Variants in DLC1 observed in about 807,000 individuals in gnomAD.
The protein encoded by DLC1 is rho GTPase-activating protein 7.
Under a neutral mutation model 140.3 loss-of-function variants are expected in DLC1, and 54 were observed. That is an observed-to-expected ratio of 0.38 (90% confidence interval 0.31 to 0.48). The LOEUF (loss-of-function observed/expected upper bound fraction) is 0.48, where lower values mean the gene tolerates loss of function less well. DLC1 is among the 20% of genes least tolerant of loss of function. The pLI is 0.96. For synonymous variants in DLC1, 986 were observed against 728.1 expected (o/e 1.35, Z -5.70); for missense variants, 2,536 against 1,907.0 (o/e 1.33, Z -6.14).
At chr8:13,478,752 T>A (rs186331225) in intron 2 of DLC1, among the ~76,000 whole-genome samples, 279 of 152,312 alleles carry the variant, frequency 1.8e-3, no homozygotes, top group African/African-American at 5.7e-3. Flanking sequence ...ACAATTATTT[T>A]AAAAAAATCC....
intron 4 of DLC1, among the ~76,000 whole-genome samples, chr8:13,355,532 T>G (rs1262593732): frequency 1.3e-5 from 2 of 152,214 alleles, no homozygotes; most frequent in Non-Finnish European, 2.9e-5. Flanking sequence ...GTGGCCCCTC[T>G]CTGGTGGCTC....
intron 2 of DLC1, among the ~76,000 whole-genome samples, chr8:13,467,218 ATTC>A (rs1326371878): frequency 6.6e-6 from 1 of 152,162 alleles, no homozygotes; most frequent in African/African-American, 2.4e-5. Context: ...TTGCCTGATT[ATTC>A]TTAGAGGGCT....
intron 6 of DLC1, among the ~76,000 whole-genome samples, chr8:13,113,042 T>C (rs1222585713): frequency 6.6e-6 from 1 of 152,222 alleles, no homozygotes; most frequent in Admixed American, 6.5e-5. Context: ...ATATTTTAGA[T>C]TCCTTTTCTA....
chr8:13,595,695 T>C (rs1202802331), intron 1 of DLC1, among the ~76,000 whole-genome samples: 1 of 152,018 alleles, frequency 6.6e-6, no homozygotes, highest in East Asian at 1.9e-4. Context: ...TTCTCTCAAA[T>C]AGACAAAGAT....
At chr8:13,265,953 T>G (rs988862899) in intron 5 of DLC1, among the ~76,000 whole-genome samples, 1 of 152,218 alleles carries the variant, frequency 6.6e-6, no homozygotes, top group Non-Finnish European at 1.5e-5. Flanking sequence ...GACATAATTA[T>G]TCTGCTGTTT....
In DLC1 at chr8:13,405,899, T is replaced by TTCTC. The variant is rs1563320628; in HGVS notation, c.1024-4281_1024-4280insGAGA. ...TTTTTCTTTTCTTTTCTTTCTTTCT[T>TTCTC]TTTCTTTCTTTCTTTTCTTTTCTTT... On this transcript the variant is annotated intron_variant, in intron 2 of 17. Transcript: ENST00000276297. 4.5e-3 allele frequency among the ~76,000 whole-genome samples: 650 copies of TTCTC among 145,566 alleles called. 10 individuals are homozygous for TTCTC. The highest frequency in any genetic ancestry group is 0.016 in the African/African-American group (612 of 38,658).
At chr8:13,212,553 A>G (rs1783503421) in intron 5 of DLC1, among the ~76,000 whole-genome samples, 1 of 152,102 alleles carries the variant, frequency 6.6e-6, no homozygotes, top group African/African-American at 2.4e-5. Flanking sequence ...CTGGGCACTC[A>G]TTATGCAACA....
chr8:13,453,562 T>TTG (rs1799256239), intron 2 of DLC1, among the ~76,000 whole-genome samples: 1 of 46,674 alleles, frequency 2.1e-5, no homozygotes, highest in African/African-American at 8.5e-5. Flanking sequence ...ATATATTTTT[T>TTG]TTTTTTTTTT....
At chr8:13,102,166 T>C (rs1404366379) in intron 8 of DLC1, among the ~76,000 whole-genome samples, 1 of 152,174 alleles carries the variant, frequency 6.6e-6, no homozygotes, top group Admixed American at 6.5e-5. Flanking sequence ...TTACTCTAAT[T>C]TGTGACACTT....
chr8:13,514,284 G>A (rs549452724), intron 1 of DLC1, among the ~76,000 whole-genome samples: 15 of 152,172 alleles, frequency 9.9e-5, no homozygotes, highest in African/African-American at 3.6e-4. Context: ...TTTGTTTCAC[G>A]TTATGCCAAG....
intron 4 of DLC1, among the ~76,000 whole-genome samples, chr8:13,321,993 T>C (rs1833147169): frequency 6.6e-6 from 1 of 152,158 alleles, no homozygotes; most frequent in South Asian, 2.1e-4. Flanking sequence ...GATCCTCTAT[T>C]TGGAGAACCC....
intron 4 of DLC1, among the ~76,000 whole-genome samples, chr8:13,313,516 AT>A (rs1259743651): frequency 2.6e-5 from 4 of 152,140 alleles, no homozygotes; most frequent in Non-Finnish European, 5.9e-5. Context: ...TCCTGGGGCT[AT>A]TTGTGAGGGT....
At chr8:13,174,228 G>T (rs1176174299) in intron 5 of DLC1, among the ~76,000 whole-genome samples, 1 of 152,188 alleles carries the variant, frequency 6.6e-6, no homozygotes, top group Non-Finnish European at 1.5e-5. Flanking sequence ...CTGTTCCATG[G>T]TGTATGTGTT....
chr8:13,567,511 A>G lies in DLC1; in HGVS notation c.-126+37026T>C, dbSNP rs750434020. 3.2e-6 allele frequency: 5 copies of G among 1,552,032 alleles called. No homozygotes were observed. The South Asian group carries it at 3.6e-5, about 11-fold the overall frequency. On this transcript the variant is annotated intron_variant, in intron 1 of 1. Transcript: ENST00000631382. ...TTGTACTGTACCCGATGAACTTTTG[A>G]ACAGAATCTACTTTAAAAACATGAG...
At chr8:13,253,924 G>T (rs1416072444) in intron 5 of DLC1, among the ~76,000 whole-genome samples, 1 of 152,172 alleles carries the variant, frequency 6.6e-6, no homozygotes, top group Non-Finnish European at 1.5e-5. Flanking sequence ...CCACAGCCCT[G>T]ACGTCAGGAC....
At chr8:13,576,690 C>G (rs1043988449) in intron 1 of DLC1, among the ~76,000 whole-genome samples, 2 of 152,064 alleles carry the variant, frequency 1.3e-5, no homozygotes, top group Admixed American at 6.5e-5. Context: ...GGAGCATTTG[C>G]GTGTCCTCAG....
rs529117420 is a variant in DLC1, at chr8:13,309,289, C to T, written c.1315-3987G>A. On this transcript the variant is annotated intron_variant, in intron 4 of 17. Transcript: ENST00000276297. ...CAAAGGAAAGTCTACAAATGACTTC[C>T]AAATGAAAGGGGAGAAAAATCATCC... Among the ~76,000 whole-genome samples the T allele has an allele frequency of 7.2e-5, 11 of 152,116 alleles. No individual in the cohort carries two copies. The East Asian group carries it at 1.5e-3, about 21-fold the overall frequency.
At chr8:13,468,185 G>T (rs1475707184) in intron 2 of DLC1, among the ~76,000 whole-genome samples, 4 of 152,260 alleles carry the variant, frequency 2.6e-5, no homozygotes, top group East Asian at 1.9e-4. Context: ...ATTTAGCTAA[G>T]TAATACTTTT....
At chr8:13,573,786 A>G (rs1384612918) in intron 1 of DLC1, among the ~76,000 whole-genome samples, 2 of 152,216 alleles carry the variant, frequency 1.3e-5, no homozygotes, top group Non-Finnish European at 2.9e-5. Context: ...AGCACTTACT[A>G]TTCAGAATTA....
Sources: allele counts gnomAD v4.1 joint callset (sites outside exome capture counted in the v4.1 genomes callset), GRCh38; gene constraint gnomAD v4.1.1; transcripts MANE v1.5; gene names NCBI Gene and HGNC (gene_info 2026-07-23, HGNC 2026-07-21).